The following AGO3 variants were observed in gnomAD, a reference collection of about 807,000 sequenced individuals.
The protein encoded by AGO3 is argonaute RISC catalytic component 3.
In AGO3, 16 loss-of-function variants were observed where a neutral mutation model predicts 105.5. The observed-to-expected ratio is 0.15, with a 90% CI of 0.10 to 0.23. AGO3 has a LOEUF of 0.23. Among genes scored for constraint, AGO3 ranks in the 10% least tolerant of loss-of-function variants. AGO3 has a pLI of 1.00. For missense variants in AGO3, 534 were observed against 1,088.0 expected (o/e 0.49, Z 7.16); for synonymous variants, 340 against 367.3 (o/e 0.93, Z 0.85).
intron 16 of AGO3, 138 bp downstream of exon 16, chr1:36,040,579 T>C (rs1377795745): frequency 3.8e-6 from 3 of 788,226 alleles, no homozygotes; most frequent in Non-Finnish European, 5.7e-6. Context: ...ATTATGAGTA[T>C]AGAAGCATCA....
intron 5 of AGO3, among the ~76,000 whole-genome samples, chr1:36,000,044 C>G (rs1640012079): frequency 6.6e-6 from 1 of 152,006 alleles, no homozygotes; most frequent in Admixed American, 6.6e-5. Flanking sequence ...TGAATTTTAT[C>G]AAATGCTTGC....
In AGO3 at chr1:35,973,366, T is replaced by C; in HGVS notation, c.522-9T>C. 1 of 1,481,012 alleles carries C rather than the reference T, an allele frequency of 6.8e-7. No individual in the cohort carries two copies. The highest frequency in any genetic ancestry group is 9.1e-7 in the Non-Finnish European group (1 of 1,103,928). The allele number at this position is 1,481,012 out of a possible 1,614,324, so 91.7% of individuals were successfully genotyped here. A position where few individuals can be genotyped will look rare whatever the true frequency, so the allele number is the denominator to read the frequency against. On this transcript the variant is annotated splice_polypyrimidine_tract_variant and intron_variant, in intron 4 of 18. Transcript: ENST00000373191. Reference sequence around the variant, plus strand: ...GAAAGGATTGAACATGCCATTTTAATTTTTGTAGATACACACCTGTGGGGC... The same window carrying C: ...GAAAGGATTGAACATGCCATTTTAACTTTTGTAGATACACACCTGTGGGGC...
chr1:35,986,509 T>C (rs1647185925), intron 5 of AGO3, among the ~76,000 whole-genome samples: 1 of 149,638 alleles, frequency 6.7e-6, no homozygotes, highest in South Asian at 2.1e-4. Context: ...GTCCACATGG[T>C]AAAACCCCAT....
intron 1 of AGO3, among the ~76,000 whole-genome samples, chr1:35,942,876 G>A (rs1646281969): frequency 6.6e-6 from 1 of 152,026 alleles, no homozygotes; most frequent in Non-Finnish European, 1.5e-5. Flanking sequence ...TAACAAATCT[G>A]CATTTGCTCA....
chr1:35,934,068 G>T (rs549859729), intron 1 of AGO3, among the ~76,000 whole-genome samples: 1 of 152,142 alleles, frequency 6.6e-6, no homozygotes, highest in Non-Finnish European at 1.5e-5. Context: ...TGACTCTTTA[G>T]TTGGGGAACA....
At chr1:35,984,161 G>A (rs1176432953) in intron 5 of AGO3, among the ~76,000 whole-genome samples, 1 of 152,132 alleles carries the variant, frequency 6.6e-6, no homozygotes, top group African/African-American at 2.4e-5. Flanking sequence ...AAAGCCAAGA[G>A]GGGAAACATA....
chr1:35,945,996 A>G, intron 2 of AGO3, 133 bp downstream of exon 2: 1 of 953,300 alleles, frequency 1.0e-6, no homozygotes, highest in Non-Finnish European at 1.5e-6. Flanking sequence ...TTTGTTTTAA[A>G]ACTGATTGTA....
chr1:36,053,399 C>T (rs1436716620), intron 17 of AGO3, among the ~76,000 whole-genome samples: 4 of 151,578 alleles, frequency 2.6e-5, no homozygotes, highest in Admixed American at 1.3e-4. Flanking sequence ...TCCTGCCTCA[C>T]CCTCCCAAGT....
At chr1:35,977,391 ATT>A (rs35048209) in intron 5 of AGO3, among the ~76,000 whole-genome samples, 38 of 128,268 alleles carry the variant, frequency 3.0e-4, no homozygotes, top group Admixed American at 2.4e-4. Context: ...CGTTATTATG[ATT>A]TTTTTTTTTT....
Position 35,931,329 on chromosome 1 carries a change from A to T in AGO3, c.-98A>T. 8.5e-7 allele frequency: 1 copy of T among 1,174,760 alleles called. No homozygotes were observed. Among genetic ancestry groups the T allele is most frequent in the Non-Finnish European group, 1.1e-6 (1 of 888,420 alleles). The allele number at this position is 1,174,760 out of a possible 1,614,324, so 72.8% of individuals were successfully genotyped here. On this transcript the variant is annotated 5_prime_UTR_variant, in exon 1 of 19. Coordinates refer to ENST00000373191, the MANE Select transcript of AGO3 (RefSeq NM_024852.4). ...CGCCCCCGCCTCGGGGCCGAGTGAG[A>T]GTGCCCGTCGCGTCGCGCCGCGTCG... is the stretch of plus-strand genomic sequence containing the variant.
intron 5 of AGO3, chr1:35,983,328 T>C (rs1647090372): frequency 1.3e-5 from 2 of 151,296 alleles, no homozygotes; most frequent in African/African-American, 4.9e-5. Context: ...TCCCAGCACT[T>C]TGGGAGGCCA....
intron 2 of AGO3, among the ~76,000 whole-genome samples, chr1:35,955,654 G>C (rs1451799800): frequency 2.0e-5 from 3 of 151,550 alleles, no homozygotes; most frequent in Non-Finnish European, 4.4e-5. Flanking sequence ...GAGTGCAGTG[G>C]CGTGAACATG....
At chr1:36,017,180 A>G (rs115898062) in intron 11 of AGO3, among the ~76,000 whole-genome samples, 7 of 152,340 alleles carry the variant, frequency 4.6e-5, no homozygotes, top group African/African-American at 1.4e-4. Flanking sequence ...GAGAGAATAT[A>G]GTATCCCAGG....
At chr1:35,999,938 C>A (rs1163718417) in intron 5 of AGO3, among the ~76,000 whole-genome samples, 3 of 151,494 alleles carry the variant, frequency 2.0e-5, no homozygotes, top group African/African-American at 7.3e-5. Flanking sequence ...ATGTATCTGC[C>A]AGGTTGTAAT....
chr1:35,948,402 A>G (rs764966461), intron 2 of AGO3, among the ~76,000 whole-genome samples: 33 of 151,878 alleles, frequency 2.2e-4, no homozygotes, highest in Non-Finnish European at 4.3e-4. Flanking sequence ...TATTTTTAGT[A>G]GAGACTGGGT....
chr1:35,954,970 A>G (rs1481100566), intron 2 of AGO3, among the ~76,000 whole-genome samples: 1 of 152,232 alleles, frequency 6.6e-6, no homozygotes, highest in African/African-American at 2.4e-5. Context: ...TGTCCAGTGG[A>G]CAGGGAGAAA....
At position 35,977,873 on chromosome 1, in the gene AGO3, A is replaced by G. The variant is rs560941884; in HGVS notation, c.658+4362A>G. Among the ~76,000 whole-genome samples, 24 of 152,064 alleles carry G rather than the reference A, an allele frequency of 1.6e-4. No individual in the cohort carries two copies. The East Asian group carries it at 4.1e-3, about 26-fold the overall frequency. ...ATCTATTACTTCTTATCAAAAAACT[A>G]AAAAAAAGACGGTATGGCATCATAA... On this transcript the variant is annotated intron_variant, in intron 5 of 18. Coordinates refer to ENST00000373191, the MANE Select transcript of AGO3 (RefSeq NM_024852.4).
rs991830351 is a variant in AGO3 at position 35,931,205 on chromosome 1, A to C, written c.-222A>C. 4 of 404,948 alleles carry C rather than the reference A, an allele frequency of 9.9e-6. No homozygotes were observed. Among genetic ancestry groups the C allele is most frequent in the Middle Eastern group, 6.2e-4 (1 of 1,622 alleles). 25.1% of individuals were successfully genotyped at this position (404,948 alleles called of 1,614,324 possible). On this transcript the variant is annotated 5_prime_UTR_variant, in exon 1 of 19. Coordinates refer to ENST00000373191, the MANE Select transcript of AGO3 (RefSeq NM_024852.4). ...CGGGACTCCCCTCTGTCCGCGCCTC[A>C]CATCTCCCCTTCCTCTCGCCTAGTC...
At chr1:35,993,104 T>C (rs1647839665) in intron 5 of AGO3, among the ~76,000 whole-genome samples, 1 of 152,176 alleles carries the variant, frequency 6.6e-6, no homozygotes, top group East Asian at 1.9e-4. Flanking sequence ...TAATACCCTA[T>C]TGGTTACTCA....
Sources: gnomAD v4.1 joint callset for allele counts (sites outside exome capture counted in the v4.1 genomes callset) on GRCh38, gnomAD v4.1.1 for gene constraint, MANE v1.5 for transcripts, NCBI Gene and HGNC (gene_info 2026-07-23, HGNC 2026-07-21) for gene names.